The following REV1 variants were observed in gnomAD, a reference collection of about 807,000 sequenced individuals.
The protein encoded by REV1 is REV1 DNA directed polymerase, also known as translesion synthesis protein REV1.
A neutral mutation model predicts 137.4 loss-of-function variants in REV1; 42 were observed. The observed-to-expected ratio is 0.31, with a 90% confidence interval of 0.24 to 0.40. REV1 has a LOEUF of 0.40. Among genes scored for constraint, REV1 ranks in the 10% least tolerant of loss-of-function variants. The pLI is 1.00. For missense variants in REV1, 1,282 were observed against 1,490.1 expected (o/e 0.86, Z 2.30); for synonymous variants, 524 against 519.2 (o/e 1.01, Z -0.12).
intron 3 of REV1, chr2:99,451,395 G>A (rs1055816160): frequency 7.7e-7 from 1 of 1,298,206 alleles, no homozygotes; most frequent in African/African-American, 1.5e-5. Flanking sequence ...ATTTGGAACT[G>A]GAAAATACAT....
chr2:99,418,732 G>A, intron 12 of REV1, 96 bp downstream of exon 12: 3 of 1,174,410 alleles, frequency 2.6e-6, no homozygotes, highest in Non-Finnish European at 3.5e-6. Flanking sequence ...TTATATTCAT[G>A]TCTGGGCAAA....
chr2:99,481,085 C>T (rs1686555276), intron 1 of REV1, among the ~76,000 whole-genome samples: 1 of 152,160 alleles, frequency 6.6e-6, no homozygotes, highest in Admixed American at 6.5e-5. Context: ...GACTCAAGTG[C>T]TAAAATTCAA....
intron 8 of REV1, among the ~76,000 whole-genome samples, chr2:99,432,997 G>T (rs930514646): frequency 4.6e-5 from 7 of 152,188 alleles, no homozygotes; most frequent in Non-Finnish European, 1.0e-4. Flanking sequence ...CTACCTACCA[G>T]AGAGACTCTG....
chr2:99,475,817 T>C (rs1685909643), intron 1 of REV1, among the ~76,000 whole-genome samples: 1 of 152,080 alleles, frequency 6.6e-6, no homozygotes. Context: ...ACCCCATCTC[T>C]ACTAAAAAAT....
At chr2:99,417,743 C>T (rs149271961) in intron 12 of REV1, among the ~76,000 whole-genome samples, 204 of 152,270 alleles carry the variant, frequency 1.3e-3, no homozygotes, top group African/African-American at 4.6e-3. Flanking sequence ...TTTGTTATGG[C>T]ACCCCTAGAA....
intron 4 of REV1, among the ~76,000 whole-genome samples, chr2:99,443,874 G>C (rs62155788): frequency 6.7e-6 from 1 of 149,962 alleles, no homozygotes; most frequent in Non-Finnish European, 1.5e-5. Context: ...ACGGAGTCTC[G>C]CTCTGTCGCC....
chr2:99,442,537 C>A, intron 4 of REV1, 68 bp from the exon 5 acceptor site: 1 of 1,402,568 alleles, frequency 7.1e-7, no homozygotes, highest in South Asian at 1.2e-5. Flanking sequence ...GAAAAATATT[C>A]AATGTCCTTA....
At position 99,404,683 on chromosome 2, in the gene REV1, A is replaced by C; in HGVS notation, c.2812-6T>G. 1 of 1,601,596 alleles carries C rather than the reference A, an allele frequency of 6.2e-7. No homozygotes were observed. The highest frequency in any genetic ancestry group is 8.5e-7 in the Non-Finnish European group (1 of 1,171,820). On this transcript the variant is annotated splice_polypyrimidine_tract_variant and splice_region_variant and intron_variant, in intron 17 of 22. Coordinates refer to ENST00000258428, the MANE Select transcript of REV1 (RefSeq NM_016316.4). ...TCTAAAACAGACTGATCCAGCTATA[A>C]AATGCCAAACATATGAGTAGGAAGT...
At chr2:99,466,704 A>G (rs918128649) in intron 1 of REV1, among the ~76,000 whole-genome samples, 37 of 152,248 alleles carry the variant, frequency 2.4e-4, no homozygotes, top group Non-Finnish European at 1.6e-4. Flanking sequence ...CAGAGAGACA[A>G]GATAATACAA....
chr2:99,426,780 G>A (rs1220714548), intron 9 of REV1, among the ~76,000 whole-genome samples: 1 of 152,196 alleles, frequency 6.6e-6, no homozygotes, highest in Non-Finnish European at 1.5e-5. Flanking sequence ...ACTTCGTTAA[G>A]TGTATGCTGC....
intron 13 of REV1, among the ~76,000 whole-genome samples, chr2:99,411,559 AC>A (rs1462599904): frequency 6.6e-6 from 1 of 151,492 alleles, no homozygotes; most frequent in Non-Finnish European, 1.5e-5. Flanking sequence ...GGCGCCTGCC[AC>A]AATGTCTGGC....
intron 8 of REV1, among the ~76,000 whole-genome samples, chr2:99,430,551 G>A (rs28382902): frequency 6.6e-6 from 1 of 152,230 alleles, no homozygotes; most frequent in South Asian, 2.1e-4. Flanking sequence ...CCCGCTACAG[G>A]TAATTGTATT....
Position 99,489,034 on chromosome 2 carries a change from T to C in REV1, c.-11+783A>G, listed in dbSNP as rs535593323. Among the ~76,000 whole-genome samples, 14 of 152,230 alleles carry C rather than the reference T, an allele frequency of 9.2e-5. No individual in the cohort carries two copies. In the East Asian group the frequency reaches 2.5e-3, roughly 27 times the overall value. ...TTACGGAGGAGTACATTAAGGAGTG[T>C]TATGTGAGATTATTTCTTTACAAAC... is the stretch of plus-strand genomic sequence containing the variant. On this transcript the variant is annotated intron_variant, in intron 1 of 22. Transcript: ENST00000258428.
chr2:99,411,052 C>T (rs1188878655), intron 13 of REV1, among the ~76,000 whole-genome samples, 185 bp from the exon 14 acceptor site: 4 of 152,084 alleles, frequency 2.6e-5, no homozygotes, highest in Non-Finnish European at 5.9e-5. Context: ...TTTGAGAGGC[C>T]GAGGCTGGTG....
intron 1 of REV1, among the ~76,000 whole-genome samples, chr2:99,466,217 C>T (rs138104636): frequency 0.22 from 33,342 of 152,066 alleles, 4,179 homozygotes; most frequent in Admixed American, 0.31. Flanking sequence ...TCCCAAAGTG[C>T]TGGGATTACA....
intron 10 of REV1, among the ~76,000 whole-genome samples, chr2:99,422,360 T>C (rs780356570): frequency 6.6e-6 from 1 of 152,100 alleles, no homozygotes; most frequent in Non-Finnish European, 1.5e-5. Flanking sequence ...AATCACAAAA[T>C]AGAACTGGAC....
intron 3 of REV1, among the ~76,000 whole-genome samples, chr2:99,449,831 T>C: frequency 6.6e-6 from 1 of 152,192 alleles, no homozygotes; most frequent in African/African-American, 2.4e-5. Flanking sequence ...ACTTAGCATA[T>C]GACCTTGATA....
intron 9 of REV1, among the ~76,000 whole-genome samples, chr2:99,425,638 G>T (rs1417248174): frequency 6.6e-6 from 1 of 152,224 alleles, no homozygotes; most frequent in Non-Finnish European, 1.5e-5. Flanking sequence ...CAGAAAAAAG[G>T]TCTGGTGTTG....
chr2:99,410,889 G>A (rs1677041196), intron 13 of REV1, 22 bp from the exon 14 acceptor site: 7 of 1,565,660 alleles, frequency 4.5e-6, no homozygotes, highest in Non-Finnish European at 5.2e-6. Flanking sequence ...CAAACGTGGA[G>A]AAACTACCAT....
Sources: gnomAD v4.1 joint callset for allele counts (sites outside exome capture counted in the v4.1 genomes callset) on GRCh38, gnomAD v4.1.1 for gene constraint, MANE v1.5 for transcripts, NCBI Gene and HGNC (gene_info 2026-07-23, HGNC 2026-07-21) for gene names.